The following MAGT1 variants were observed in gnomAD, a reference collection of about 807,000 sequenced individuals.
MAGT1 encodes the protein dolichyl-diphosphooligosaccharide--protein glycosyltransferase subunit MAGT1.
In MAGT1, 4 loss-of-function variants were observed where a neutral mutation model predicts 28.4. That is an observed-to-expected ratio of 0.14 (90% CI 0.07 to 0.32). MAGT1 has a LOEUF of 0.32. Among genes scored for constraint, MAGT1 ranks in the 10% least tolerant of loss-of-function variants. MAGT1 has a pLI of 1.00. For missense variants in MAGT1, 193 were observed against 264.5 expected (o/e 0.73, Z 1.88); for synonymous variants, 89 against 89.7 (o/e 0.99, Z 0.04).
intron 8 of MAGT1, among the ~76,000 whole-genome samples, chrX:77,839,075 G>A (rs868925117): frequency 7.3e-5 from 8 of 109,034 alleles, no homozygotes; most frequent in Admixed American, 2.0e-4. Flanking sequence ...AGGCCGAGGC[G>A]GGCGGATCAC....
At chrX:77,836,120 G>A (rs1227374791) in intron 8 of MAGT1, among the ~76,000 whole-genome samples, 1 of 110,795 alleles carries the variant, frequency 9.0e-6, no homozygotes, top group Non-Finnish European at 1.9e-5. Context: ...GTCATTAAGT[G>A]AAACAATTCA....
At chrX:77,842,159 G>A (rs782362470) in intron 7 of MAGT1, among the ~76,000 whole-genome samples, 1 of 110,221 alleles carries the variant, frequency 9.1e-6, no homozygotes, top group African/African-American at 3.3e-5. Context: ...TTGGGAGGCC[G>A]AGGCGGGCCG....
At chrX:77,830,967 C>CAT in intron 8 of MAGT1, 72 bp from the exon 9 acceptor site, 1 of 319,414 alleles carries the variant, frequency 3.1e-6, no homozygotes, top group Non-Finnish European at 5.2e-6. Flanking sequence ...TCTATACTTT[C>CAT]TTTTTTTATT....
intron 9 of MAGT1, among the ~76,000 whole-genome samples, chrX:77,829,911 T>C (rs781823815): frequency 2.7e-5 from 3 of 112,664 alleles, no homozygotes; most frequent in Non-Finnish European, 3.7e-5. Flanking sequence ...AGAATACATA[T>C]GAGATTTCTA....
intron 7 of MAGT1, among the ~76,000 whole-genome samples, chrX:77,844,647 T>C: frequency 9.0e-6 from 1 of 111,666 alleles, no homozygotes; most frequent in East Asian, 2.8e-4. Flanking sequence ...GTATGTTGTG[T>C]CTTTGTTCTC....
intron 7 of MAGT1, among the ~76,000 whole-genome samples, chrX:77,852,596 T>C (rs890460008): frequency 9.0e-6 from 1 of 111,371 alleles, no homozygotes; most frequent in Admixed American, 9.7e-5. Context: ...TCGTTTTTTT[T>C]CCCTTTTTTA....
chrX:77,879,827 T>C (rs1458118057), intron 1 of MAGT1, among the ~76,000 whole-genome samples: 3 of 95,302 alleles, frequency 3.1e-5, no homozygotes, highest in Admixed American at 1.3e-4. Flanking sequence ...TAAAAATGCA[T>C]GATTTGCCTT....
In MAGT1 at chrX:77,882,705, G is replaced by A. The variant is rs2077055911; in HGVS notation, c.103-7108C>T. On this transcript the variant is annotated intron_variant, in intron 1 of 9. Coordinates refer to ENST00000618282, the MANE Select transcript of MAGT1 (RefSeq NM_001367916.1). ...TTTATGGCCAGGCATGGTGGTTCAA[G>A]CCTGTAATCCCTGCACTTTGGGAGG... Among the ~76,000 whole-genome samples, 5 of 110,411 alleles carry A rather than the reference G, an allele frequency of 4.5e-5. No individual in the cohort carries two copies. In the Admixed American group the frequency reaches 5.0e-4, roughly 11 times the overall value.
chrX:77,895,495 G>C, upstream of MAGT1: 1 of 1,172,947 alleles, frequency 8.5e-7, no homozygotes, highest in South Asian at 1.9e-5. Context: ...TCGGCCCCTT[G>C]CCTTTCCTCA....
intron 8 of MAGT1, among the ~76,000 whole-genome samples, chrX:77,840,245 C>CA (rs782115682): frequency 0.025 from 1,478 of 59,064 alleles, 13 homozygotes; most frequent in Admixed American, 0.035. Context: ...ACTAAAAATA[C>CA]AAAAAAAAAA....
chrX:77,865,229 C>T (rs1557216778), intron 3 of MAGT1, among the ~76,000 whole-genome samples: 1 of 111,803 alleles, frequency 8.9e-6, no homozygotes, highest in Non-Finnish European at 1.9e-5. Context: ...ATGTGCTTAG[C>T]ACTGATAGCT....
At chrX:77,830,340 C>T (rs2076894055) in intron 9 of MAGT1, among the ~76,000 whole-genome samples, 1 of 111,419 alleles carries the variant, frequency 9.0e-6, no homozygotes, top group Non-Finnish European at 1.9e-5. Context: ...AATGAATAGG[C>T]CGGGCTCAGT....
At chrX:77,892,033 A>G (rs1557219519) in intron 1 of MAGT1, among the ~76,000 whole-genome samples, 1 of 109,598 alleles carries the variant, frequency 9.1e-6, no homozygotes, top group Non-Finnish European at 1.9e-5. Context: ...CTGGGACTAC[A>G]GGCATGTGCC....
chrX:77,836,645 G>A (rs2076919414), intron 8 of MAGT1, among the ~76,000 whole-genome samples: 1 of 112,215 alleles, frequency 8.9e-6, no homozygotes, highest in Admixed American at 9.6e-5. Context: ...GCTCACGCCT[G>A]TAAATCACAG....
At chrX:77,851,823 C>T (rs782478423) in intron 7 of MAGT1, among the ~76,000 whole-genome samples, 3 of 110,183 alleles carry the variant, frequency 2.7e-5, no homozygotes, top group East Asian at 2.9e-4. Context: ...AGCCCATAAA[C>T]GAACATTTTC....
intron 7 of MAGT1, among the ~76,000 whole-genome samples, chrX:77,845,948 G>A (rs781803948): frequency 2.7e-5 from 3 of 110,754 alleles, no homozygotes; most frequent in East Asian, 5.6e-4. Flanking sequence ...TCTTTGTGGC[G>A]TTCTCTGTAT....
intron 1 of MAGT1, among the ~76,000 whole-genome samples, chrX:77,894,263 G>C (rs1557219712): frequency 8.9e-6 from 1 of 111,831 alleles, no homozygotes; most frequent in African/African-American, 3.3e-5. Context: ...TATTTTTATT[G>C]TACTCTTTGC....
chrX:77,854,037 G>A (rs1043610785), intron 6 of MAGT1, 73 bp from the exon 7 acceptor site: 1 of 796,225 alleles, frequency 1.3e-6, no homozygotes, highest in Non-Finnish European at 1.9e-6. Flanking sequence ...CTAAAACGGG[G>A]TATTTTAAAC....
chrX:77,853,999 G>A lies in MAGT1; in HGVS notation c.763-35C>T. 3 of 1,060,110 alleles carry A rather than the reference G, an allele frequency of 2.8e-6. No individual in the cohort carries two copies. In the African/African-American group the frequency reaches 5.5e-5, roughly 19 times the overall value. 87.4% of individuals were successfully genotyped at this position (1,060,110 alleles called of 1,213,427 possible). On this transcript the variant is annotated intron_variant, in intron 6 of 9. Transcript: ENST00000618282. Reference sequence around the variant, plus strand: ...AAAAAAGACAAAATGGAATCTTTAAGTATACATTAAATGTTGGTATGCTAA... The same window carrying A: ...AAAAAAGACAAAATGGAATCTTTAAATATACATTAAATGTTGGTATGCTAA...
Sources: gnomAD v4.1 joint callset for allele counts (sites outside exome capture counted in the v4.1 genomes callset) on GRCh38, gnomAD v4.1.1 for gene constraint, MANE v1.5 for transcripts, NCBI Gene and HGNC (gene_info 2026-07-23, HGNC 2026-07-21) for gene names.